Variants in NFIA observed in about 807,000 individuals in gnomAD.
The protein encoded by NFIA is nuclear factor I A.
In NFIA, 8 loss-of-function variants were observed where a neutral mutation model predicts 62.8. That is an observed-to-expected ratio of 0.13 (90% confidence interval 0.07 to 0.23). The LOEUF is 0.23. Among genes scored for constraint, NFIA ranks in the 10% least tolerant of loss-of-function variants. The pLI is 1.00. For missense variants in NFIA, 410 were observed against 642.1 expected (o/e 0.64, Z 3.91); for synonymous variants, 235 against 238.1 (o/e 0.99, Z 0.12).
chr1:61,436,043 C>A (rs1268614551), intron 10 of NFIA, among the ~76,000 whole-genome samples: 1 of 152,106 alleles, frequency 6.6e-6, no homozygotes, highest in Non-Finnish European at 1.5e-5. Flanking sequence ...GAAGTCCTGG[C>A]GTTTTGTGCA....
At chr1:61,112,761 G>T (rs188981110) in intron 2 of NFIA, among the ~76,000 whole-genome samples, 3 of 152,082 alleles carry the variant, frequency 2.0e-5, no homozygotes, top group African/African-American at 7.2e-5. Context: ...GATTAATGAC[G>T]TTTTCATACT....
At chr1:61,304,795 C>A (rs921564010) in intron 3 of NFIA, among the ~76,000 whole-genome samples, 1 of 152,120 alleles carries the variant, frequency 6.6e-6, no homozygotes, top group Non-Finnish European at 1.5e-5. Context: ...AGAACAATAA[C>A]GTGGCACCAC....
chr1:61,421,571 A>G (rs960396918), intron 9 of NFIA, among the ~76,000 whole-genome samples: 2 of 152,182 alleles, frequency 1.3e-5, no homozygotes, highest in African/African-American at 4.8e-5. Context: ...TGCATCTGGA[A>G]GTAAATTCAG....
At chr1:61,113,730 G>A (rs1646747801) in intron 2 of NFIA, among the ~76,000 whole-genome samples, 1 of 140,448 alleles carries the variant, frequency 7.1e-6, no homozygotes, top group Non-Finnish European at 1.5e-5. Flanking sequence ...TTGGAAATGA[G>A]AGAATGAGCA....
At position 61,137,825 on chromosome 1, in the gene NFIA, A is replaced by G. The variant is rs556514466; in HGVS notation, c.559+49145A>G. On this transcript the variant is annotated intron_variant, in intron 2 of 10. Coordinates refer to ENST00000403491, the MANE Select transcript of NFIA (RefSeq NM_001134673.4). The stretch of plus-strand genomic sequence containing the variant: ...CTCTTGCTTGTTTGGAAGAAGAAAT[A>G]TGGAAGCTGTGAAATCTTTTCCAGT... 6.9e-4 allele frequency among the ~76,000 whole-genome samples: 105 copies of G among 152,328 alleles called. 1 individual carries two copies. Among genetic ancestry groups the G allele is most frequent in the Admixed American group, 6.7e-3 (102 of 15,306 alleles).
chr1:61,441,250 A>G (rs373029956), intron 10 of NFIA, among the ~76,000 whole-genome samples: 1 of 151,304 alleles, frequency 6.6e-6, no homozygotes, highest in East Asian at 1.9e-4. Context: ...GTAATTCAGA[A>G]GTTCACTTTG....
intron 2 of NFIA, among the ~76,000 whole-genome samples, chr1:61,149,680 G>T (rs545775319): frequency 6.6e-6 from 1 of 152,276 alleles, no homozygotes; most frequent in South Asian, 2.1e-4. Context: ...ACTGCTGATG[G>T]GCTGTGTGAC....
rs1022093508 is a variant in NFIA, at chr1:61,457,238, G to A, written c.*1918G>A. The A allele has an allele frequency of 7.9e-5, 12 of 151,984 alleles. No individual in the cohort carries two copies. Among genetic ancestry groups the A allele is most frequent in the South Asian group, 2.1e-4 (1 of 4,822 alleles). The allele number at this position is 151,984 out of a possible 1,614,324, so 9.4% of individuals were successfully genotyped here. ...TTTGTTTTTTTTCCTTAATTTGCACGAAAACAAAAATTCCATATCAATGTG... is the reference window on the plus strand; with the variant it reads ...TTTGTTTTTTTTCCTTAATTTGCACAAAAACAAAAATTCCATATCAATGTG... On this transcript the variant is annotated 3_prime_UTR_variant, in exon 11 of 11. Transcript: ENST00000403491. This position sits in a 1 kb window ranked among gnomAD's most constrained non-coding sequence, Gnocchi z 4.2.
chr1:61,370,173 G>T (rs1461674689), intron 6 of NFIA, among the ~76,000 whole-genome samples: 2 of 152,202 alleles, frequency 1.3e-5, no homozygotes, highest in Non-Finnish European at 2.9e-5. Context: ...ATTGCTTTCT[G>T]CTCAGCAGAG....
At chr1:61,358,046 A>G (rs6673795) in intron 5 of NFIA, among the ~76,000 whole-genome samples, 119,607 of 151,936 alleles carry the variant, frequency 0.79, 47,285 homozygotes, top group East Asian at 0.95. Flanking sequence ...ATATATTCTG[A>G]AAGTTTCTTG....
At chr1:61,360,253 A>G (rs977143968) in intron 6 of NFIA, among the ~76,000 whole-genome samples, 4 of 152,184 alleles carry the variant, frequency 2.6e-5, no homozygotes, top group African/African-American at 9.7e-5. Context: ...ACCCTTTCCA[A>G]TGTCTAACAC....
intron 9 of NFIA, among the ~76,000 whole-genome samples, chr1:61,409,368 T>C (rs1665994769): frequency 6.6e-6 from 1 of 152,174 alleles, no homozygotes; most frequent in Non-Finnish European, 1.5e-5. Flanking sequence ...TAATATGTAG[T>C]TTCACAGCAT....
At chr1:61,292,231 T>C (rs996771076) in intron 3 of NFIA, among the ~76,000 whole-genome samples, 3 of 152,202 alleles carry the variant, frequency 2.0e-5, no homozygotes, top group Admixed American at 2.0e-4. Context: ...ATTTGTGTTT[T>C]AAGGAGACCA....
intron 3 of NFIA, among the ~76,000 whole-genome samples, chr1:61,312,546 G>A (rs1475260215): frequency 3.3e-5 from 5 of 151,156 alleles, no homozygotes; most frequent in East Asian, 3.9e-4. Context: ...ATTAGACAAC[G>A]TGGTCACCCA....
rs1410203326 is a variant in NFIA at position 61,379,402 on chromosome 1, C to CTATTTT, written c.947-3834_947-3833insATTTTT. Among the ~76,000 whole-genome samples, 18 of 98,256 alleles carry CTATTTT rather than the reference C, an allele frequency of 1.8e-4. 1 individual carries two copies. The highest frequency in any genetic ancestry group is 1.8e-4 in the Non-Finnish European group (9 of 51,262). The allele number at this position is 98,256 out of a possible 152,430, so 64.5% of individuals were successfully genotyped here. A position where few individuals can be genotyped will look rare whatever the true frequency, so the allele number is the denominator to read the frequency against. Reference sequence around the variant, plus strand: ...CACACTCAGCTAACTTTTTCTTTTTCTTTTTTTTTTTTTTTTTTTTTTTTG... The same window carrying CTATTTT: ...CACACTCAGCTAACTTTTTCTTTTTCTATTTTTTTTTTTTTTTTTTTTTTTTTTTTG... On this transcript the variant is annotated intron_variant, in intron 6 of 10. Coordinates refer to ENST00000403491, the MANE Select transcript of NFIA (RefSeq NM_001134673.4).
chr1:61,317,349 A>G (rs1557702325), intron 3 of NFIA, among the ~76,000 whole-genome samples: 1 of 152,124 alleles, frequency 6.6e-6, no homozygotes, highest in Non-Finnish European at 1.5e-5. Flanking sequence ...TTGTATCCTT[A>G]TGTCTAGAAT....
chr1:61,459,643 CT>C lies in NFIA; in HGVS notation c.*4325del, dbSNP rs1668453665. The C allele has an allele frequency of 6.6e-6, 1 of 152,308 alleles. No individual in the cohort carries two copies. Among genetic ancestry groups the C allele is most frequent in the Admixed American group, 6.5e-5 (1 of 15,290 alleles). The allele number at this position is 152,308 out of a possible 1,614,324, so 9.4% of individuals were successfully genotyped here. ...CAGTCAAAGTGTGAAGGAACCCAGA[CT>C]TCCCCGAGCCACGGTGTTCAGTCAG... On this transcript the variant is annotated 3_prime_UTR_variant, in exon 11 of 11. Transcript: ENST00000403491.
intron 1 of NFIA, among the ~76,000 whole-genome samples, chr1:61,085,209 A>G (rs551137224): frequency 6.6e-6 from 1 of 152,196 alleles, no homozygotes; most frequent in Non-Finnish European, 1.5e-5. Context: ...AAACTTTACC[A>G]AGAAAAACCT....
At position 61,230,611 on chromosome 1, in the gene NFIA, A is replaced by G. The variant is rs115725908; in HGVS notation, c.560-46909A>G. On this transcript the variant is annotated intron_variant, in intron 2 of 10. Coordinates refer to ENST00000403491, the MANE Select transcript of NFIA (RefSeq NM_001134673.4). ...TCCCAATCATCTATCCCTTCATTAC[A>G]CTACTGCCAGAGTGATCTTTCTGAA... 8.1e-3 allele frequency among the ~76,000 whole-genome samples: 1,234 copies of G among 152,134 alleles called. 14 individuals are homozygous for G. Among genetic ancestry groups the G allele is most frequent in the African/African-American group, 0.028 (1,171 of 41,490 alleles).
Sources: gnomAD v4.1 joint callset for allele counts (sites outside exome capture counted in the v4.1 genomes callset) on GRCh38, gnomAD v4.1.1 for gene constraint, Gnocchi (gnomAD v3.1) non-coding constraint, MANE v1.5 for transcripts, NCBI Gene and HGNC (gene_info 2026-07-23, HGNC 2026-07-21) for gene names.